The following CSMD3 variants were observed in gnomAD, a reference collection of about 807,000 sequenced individuals.
CSMD3 encodes the protein CUB and Sushi multiple domains 3.
Under a neutral mutation model 435.2 loss-of-function variants are expected in CSMD3, and 177 were observed. That is an observed-to-expected ratio of 0.41 (90% CI 0.36 to 0.46). The LOEUF (loss-of-function observed/expected upper bound fraction) is 0.46. Among genes scored for constraint, CSMD3 ranks in the 20% least tolerant of loss-of-function variants. The pLI is 0.34. For missense variants in CSMD3, 4,265 were observed against 4,504.6 expected (o/e 0.95, Z 1.52); for synonymous variants, 1,656 against 1,520.5 (o/e 1.09, Z -2.07).
rs1270133127 is a variant in CSMD3 at position 112,255,437 on chromosome 8, A to T, written c.9863-10T>A. On this transcript the variant is annotated splice_polypyrimidine_tract_variant and intron_variant, in intron 61 of 70. Transcript: ENST00000297405. The stretch of plus-strand genomic sequence containing the variant: ...TCACCACAAAACTTTGCTGGAAATG[A>T]AAAGAAAGACGCTTATATCAAAGAT... 3 of 1,613,278 alleles carry T rather than the reference A, an allele frequency of 1.9e-6. No homozygotes were observed. In the Admixed American group the frequency reaches 5.0e-5, roughly 27 times the overall value.
At chr8:112,803,125 G>C (rs2078998299) in intron 12 of CSMD3, among the ~76,000 whole-genome samples, 1 of 152,076 alleles carries the variant, frequency 6.6e-6, no homozygotes, top group Non-Finnish European at 1.5e-5. Flanking sequence ...AACTTAAAAA[G>C]ATCTGCATAA....
At chr8:112,718,505 G>GTA (rs1554661885) in intron 13 of CSMD3, among the ~76,000 whole-genome samples, 1 of 144,924 alleles carries the variant, frequency 6.9e-6, no homozygotes, top group African/African-American at 2.7e-5. Context: ...CTATGTGTGT[G>GTA]TATATATATG....
At chr8:113,237,655 C>T (rs1202175992) in intron 3 of CSMD3, among the ~76,000 whole-genome samples, 1 of 152,160 alleles carries the variant, frequency 6.6e-6, no homozygotes, top group Non-Finnish European at 1.5e-5. Context: ...TAATTAACAG[C>T]CATTTGTTTC....
intron 24 of CSMD3, among the ~76,000 whole-genome samples, chr8:112,572,098 A>G (rs1675047922): frequency 6.6e-6 from 1 of 151,854 alleles, no homozygotes; most frequent in Non-Finnish European, 1.5e-5. Context: ...GCAATAGTAT[A>G]TTGCTCAATA....
intron 1 of CSMD3, among the ~76,000 whole-genome samples, chr8:113,415,571 T>G (rs1440350286): frequency 1.3e-5 from 2 of 152,182 alleles, no homozygotes; most frequent in African/African-American, 2.4e-5. Context: ...CTTTTAGAAT[T>G]TTCTACAGAT....
rs181001383 is a variant in CSMD3, at chr8:112,743,456, G to T, written c.1973-53406C>A. On this transcript the variant is annotated intron_variant, in intron 13 of 70. Coordinates refer to ENST00000297405, the MANE Select transcript of CSMD3 (RefSeq NM_198123.2). ...TCATTCCTTTTAATTTCTAAATAAC[G>T]CTATGGATTAAGGCAGTCTTCAACA... Among the ~76,000 whole-genome samples, 502 of 151,744 alleles carry T rather than the reference G, an allele frequency of 3.3e-3. 1 individual carries two copies. Among genetic ancestry groups the T allele is most frequent in the Non-Finnish European group, 4.0e-3 (271 of 67,824 alleles).
At chr8:113,090,247 T>TA (rs2089957711) in intron 5 of CSMD3, among the ~76,000 whole-genome samples, 1 of 152,042 alleles carries the variant, frequency 6.6e-6, no homozygotes, top group Non-Finnish European at 1.5e-5. Context: ...AAAAAGATGC[T>TA]AATGGAGGGG....
At chr8:112,326,087 G>T (rs1002184124) in intron 45 of CSMD3, among the ~76,000 whole-genome samples, 1 of 152,064 alleles carries the variant, frequency 6.6e-6, no homozygotes, top group African/African-American at 2.4e-5. Context: ...CACTTCTTAT[G>T]TATAAAGGAC....
chr8:112,490,750 T>C (rs905257370), intron 31 of CSMD3, among the ~76,000 whole-genome samples: 1 of 152,122 alleles, frequency 6.6e-6, no homozygotes, highest in Non-Finnish European at 1.5e-5. Context: ...TTTCTATGTT[T>C]AATATTTTTT....
chr8:112,840,950 A>C (rs937358967), intron 11 of CSMD3, among the ~76,000 whole-genome samples: 6 of 151,744 alleles, frequency 4.0e-5, no homozygotes, highest in Non-Finnish European at 8.9e-5. Flanking sequence ...TTCTTCCTTC[A>C]CTGGGGGAAG....
intron 28 of CSMD3, among the ~76,000 whole-genome samples, chr8:112,507,297 A>G (rs1822635906): frequency 6.6e-6 from 1 of 152,212 alleles, no homozygotes; most frequent in Non-Finnish European, 1.5e-5. Flanking sequence ...GTTTCAAACA[A>G]AGGTTTCCAT....
At chr8:112,608,229 T>G (rs1180829813) in intron 22 of CSMD3, among the ~76,000 whole-genome samples, 1 of 151,764 alleles carries the variant, frequency 6.6e-6, no homozygotes, top group Admixed American at 6.6e-5. Context: ...AATAAAATAC[T>G]TAGGTAGAAA....
At chr8:113,239,899 A>G (rs1483089675) in intron 3 of CSMD3, among the ~76,000 whole-genome samples, 3 of 152,114 alleles carry the variant, frequency 2.0e-5, no homozygotes, top group Non-Finnish European at 4.4e-5. Flanking sequence ...TAAATTTGTT[A>G]CATAGGTAAA....
Position 112,295,943 on chromosome 8 carries a change from T to C in CSMD3, c.8504A>G (p.Tyr2835Cys), listed in dbSNP as rs1364012756. Reference sequence around the variant, plus strand: ...ACATTGATATACAACTGTGTCTCTATATCCATAATTTTCTCCAATGACTTG... The same window carrying C: ...ACATTGATATACAACTGTGTCTCTACATCCATAATTTTCTCCAATGACTTG... ...NGQVIGENYGYRDTVVYQCNP... is the reference protein window; with the variant it reads ...NGQVIGENYGCRDTVVYQCNP... Residue 2835 changes from tyrosine (Y) to cysteine (C), a missense_variant, in exon 54 of 71, where the codon TAT becomes TGT. Tyr to Cys is a radical substitution (Grantham distance 194). Coordinates refer to ENST00000297405, the MANE Select transcript of CSMD3 (RefSeq NM_198123.2). The C allele has an allele frequency of 6.2e-7, 1 of 1,613,696 alleles. No homozygotes were observed. The highest frequency in any genetic ancestry group is 1.7e-5 in the Admixed American group (1 of 60,012).
chr8:113,021,215 C>CA (rs1363690289), intron 5 of CSMD3, among the ~76,000 whole-genome samples: 8 of 152,050 alleles, frequency 5.3e-5, no homozygotes, highest in African/African-American at 1.9e-4. Flanking sequence ...ATTTAGTTAA[C>CA]AAAAATATAT....
At chr8:113,136,980 T>C (rs997077381) in intron 4 of CSMD3, among the ~76,000 whole-genome samples, 7 of 151,700 alleles carry the variant, frequency 4.6e-5, no homozygotes, top group Non-Finnish European at 1.0e-4. Context: ...AATAAATTTG[T>C]GTATAGATAT....
At position 113,010,370 on chromosome 8, in the gene CSMD3, T is replaced by C. The variant is rs530806355; in HGVS notation, c.1030+8697A>G. Among the ~76,000 whole-genome samples, 3 of 151,938 alleles carry C rather than the reference T, an allele frequency of 2.0e-5. No homozygotes were observed. In the South Asian group the frequency reaches 6.2e-4, roughly 31 times the overall value. On this transcript the variant is annotated intron_variant, in intron 6 of 70. Transcript: ENST00000297405. ...GAACATTTATCCTAAGAAAGCTGACTTTTATTCTAGAAGAGATTGGCAAAT... is the reference window on the plus strand; with the variant it reads ...GAACATTTATCCTAAGAAAGCTGACCTTTATTCTAGAAGAGATTGGCAAAT...
intron 6 of CSMD3, among the ~76,000 whole-genome samples, chr8:113,001,089 C>A (rs1025007402): frequency 6.6e-6 from 1 of 152,042 alleles, no homozygotes; most frequent in African/African-American, 2.4e-5. Context: ...TCTGCCTTCT[C>A]TTCATTTCTG....
At chr8:112,229,563 G>A (rs987693324) in intron 69 of CSMD3, among the ~76,000 whole-genome samples, 1 of 152,044 alleles carries the variant, frequency 6.6e-6, no homozygotes, top group African/African-American at 2.4e-5. Flanking sequence ...CAAGTAGCTG[G>A]GACTGCAGGC....
Sources: allele counts gnomAD v4.1 joint callset (sites outside exome capture counted in the v4.1 genomes callset), GRCh38; gene constraint gnomAD v4.1.1; transcripts MANE v1.5; gene names NCBI Gene and HGNC (gene_info 2026-07-23, HGNC 2026-07-21).